Variants in ZDHHC1 observed in about 807,000 individuals in gnomAD.
ZDHHC1 encodes the protein zDHHC palmitoyltransferase 1, also known as palmitoyltransferase ZDHHC1.
ZDHHC1 carries 45 observed loss-of-function variants against 46.9 expected under a neutral mutation model. That is an observed-to-expected ratio of 0.96 (90% CI 0.76 to 1.23). ZDHHC1 has a LOEUF of 1.23. Among genes scored for constraint, ZDHHC1 ranks in the 50% most tolerant of loss-of-function variants. The pLI, the probability that ZDHHC1 is intolerant of heterozygous loss-of-function variation, is 0.00. For synonymous variants in ZDHHC1, 291 were observed against 286.0 expected, an observed-to-expected ratio of 1.02 and a Z score of -0.18; for missense variants, 649 against 670.8, an observed-to-expected ratio of 0.97 and a Z score of 0.36.
Position 67,398,256 on chromosome 16 carries a change from G to GAACC in ZDHHC1, c.879_882dup (p.His295GlyfsTer84), listed in dbSNP as rs1450851555. 2 of 1,614,134 alleles carry GAACC rather than the reference G, an allele frequency of 1.2e-6. No homozygotes were observed. Among genetic ancestry groups the GAACC allele is most frequent in the Admixed American group, 3.3e-5 (2 of 60,020 alleles). On this transcript the variant is annotated frameshift_variant, in exon 8 of 12. Transcript: ENST00000565726. LOFTEE classifies it high-confidence loss of function. ...GGAGGACATGACTCGAGCTCCCTGT[G>GAACC]AACCCCCTTGGCCTCCTGTGGTGGG... is the stretch of plus-strand genomic sequence containing the variant.
rs753927437 is a variant in ZDHHC1, at chr16:67,394,985, C to G, written c.1165+17G>C. ...TCGAGTTCCCAGAGCAGGACCCGGA[C>G]AGGGAGAGGCGCTCACCCGACGCCG... is the stretch of plus-strand genomic sequence containing the variant. On this transcript the variant is annotated intron_variant, in intron 11 of 11. Coordinates refer to ENST00000565726, the MANE Select transcript of ZDHHC1 (RefSeq NM_001323627.2). The G allele has an allele frequency of 1.9e-6, 3 of 1,602,760 alleles. No homozygotes were observed. The highest frequency in any genetic ancestry group is 2.2e-5 in the East Asian group (1 of 44,488).
At chr16:67,399,557 C>T in intron 4 of ZDHHC1, 101 bp from the exon 5 acceptor site, 1 of 974,494 alleles carries the variant, frequency 1.0e-6, no homozygotes, top group Non-Finnish European at 1.5e-6. Flanking sequence ...GGACCAAGCG[C>T]CAGGCCTGAG....
chr16:67,399,520 C>CG, intron 4 of ZDHHC1, 64 bp from the exon 5 acceptor site: 1 of 1,447,698 alleles, frequency 6.9e-7, no homozygotes, highest in Middle Eastern at 2.2e-4. Context: ...CCCGGCCGGT[C>CG]GGGGTGGTTG....
At chr16:67,398,176 A>C in intron 8 of ZDHHC1, 36 bp downstream of exon 8, 30 of 1,535,624 alleles carry the variant, frequency 2.0e-5, no homozygotes, top group East Asian at 4.5e-5. Context: ...AACACCCCCC[A>C]CACCCAGGCC....
chr16:67,398,761 C>T (rs763420916), intron 6 of ZDHHC1, 30 bp from the exon 7 acceptor site: 12 of 1,611,148 alleles, frequency 7.4e-6, no homozygotes, highest in Non-Finnish European at 1.0e-5. Context: ...TGTGCTCAGC[C>T]GGGGACGTGA....
At chr16:67,414,629 A>C (rs1028956804) in intron 1 of ZDHHC1, among the ~76,000 whole-genome samples, 1 of 152,230 alleles carries the variant, frequency 6.6e-6, no homozygotes, top group African/African-American at 2.4e-5. Flanking sequence ...TATCATTTCC[A>C]ACTGTTCTTG....
chr16:67,406,224 G>A lies in ZDHHC1; in HGVS notation c.228C>T (p.His76=). The A allele has an allele frequency of 6.2e-7, 1 of 1,613,738 alleles. No individual in the cohort carries two copies. Among genetic ancestry groups the A allele is most frequent in the Non-Finnish European group, 8.5e-7 (1 of 1,179,884 alleles). Residue 76 remains histidine (H), a synonymous_variant, in exon 3 of 12, where the codon CAC becomes CAT. Coordinates refer to ENST00000565726, the MANE Select transcript of ZDHHC1 (RefSeq NM_001323627.2). The surrounding 1 kb of genome is among the most constrained non-coding windows in gnomAD (Gnocchi z 4.1). Reference sequence around the variant, plus strand: ...CAGCGTAGCCAGCGGGCACCCAGTGGTGAGGCAGGAGGGGAACAAGGATCC... The same window carrying A: ...CAGCGTAGCCAGCGGGCACCCAGTGATGAGGCAGGAGGGGAACAAGGATCC... ...GFGILVPLLP[H]HWVPAGYACM...
At chr16:67,398,106 G>A (rs117591819) in intron 8 of ZDHHC1, 106 bp downstream of exon 8, 20,299 of 1,100,026 alleles carry the variant, frequency 0.018, 304 homozygotes, top group Non-Finnish European at 0.022. Flanking sequence ...TGCCCCCAGC[G>A]GCTGTTCCAG....
chr16:67,402,384 C>T (rs1244709595), intron 3 of ZDHHC1, among the ~76,000 whole-genome samples: 9 of 152,168 alleles, frequency 5.9e-5, no homozygotes, highest in Non-Finnish European at 2.9e-5. Flanking sequence ...GGTCCCTTTC[C>T]CTCTGGCTCC....
At chr16:67,408,056 A>C (rs1342299925) in intron 1 of ZDHHC1, among the ~76,000 whole-genome samples, 1 of 152,212 alleles carries the variant, frequency 6.6e-6, no homozygotes, top group African/African-American at 2.4e-5. Flanking sequence ...CCTGCAGGCC[A>C]AGCCAAGCAT....
intron 3 of ZDHHC1, among the ~76,000 whole-genome samples, chr16:67,405,864 T>G (rs1056417009): frequency 6.6e-6 from 1 of 152,210 alleles, no homozygotes; most frequent in Non-Finnish European, 1.5e-5. Flanking sequence ...ACTTCATCCT[T>G]TGTTCAGCTC....
Position 67,394,815 on chromosome 16 carries a change from GC to G in ZDHHC1, c.1243del (p.Ala415ProfsTer50). ...DASPVHAAGP[A>X]GAYHSASAES... The stretch of plus-strand genomic sequence containing the variant: ...TGCCGACGCCGAGTGGTAGGCGCCG[GC>G]AGGGCCAGCGGCGTGCACAGGGCTG... On this transcript the variant is annotated frameshift_variant, in exon 12 of 12. Coordinates refer to ENST00000565726, the MANE Select transcript of ZDHHC1 (RefSeq NM_001323627.2). LOFTEE classifies it low-confidence loss of function (END_TRUNC). 7.9e-6 allele frequency: 12 copies of G among 1,526,792 alleles called. No individual in the cohort carries two copies. In the Admixed American group the frequency reaches 8.2e-5, roughly 10 times the overall value. 94.6% of individuals were successfully genotyped at this position (1,526,792 alleles called of 1,614,324 possible). A position where few individuals can be genotyped will look rare whatever the true frequency, so the allele number is the denominator to read the frequency against.
Position 67,401,199 on chromosome 16 carries a change from C to T in ZDHHC1, c.253-67G>A. The T allele has an allele frequency of 6.4e-7, 1 of 1,573,492 alleles. No individual in the cohort carries two copies. ...GGAGTCCTGCCCCGTTCCTTGCAGC[C>T]AGAGAACTCCCCACTGCCATGCCAG... On this transcript the variant is annotated intron_variant, in intron 3 of 11. Coordinates refer to ENST00000565726, the MANE Select transcript of ZDHHC1 (RefSeq NM_001323627.2). The surrounding 1 kb of genome is among the most constrained non-coding windows in gnomAD (Gnocchi z 4.6).
intron 6 of ZDHHC1, 29 bp from the exon 7 acceptor site, chr16:67,398,760 C>T (rs2040484939): frequency 1.2e-6 from 2 of 1,611,168 alleles, no homozygotes; most frequent in East Asian, 2.2e-5. Flanking sequence ...GTGTGCTCAG[C>T]CGGGGACGTG....
In ZDHHC1 at chr16:67,394,615, C is replaced by A; in HGVS notation, c.1444G>T (p.Ala482Ser). Residue 482 changes from alanine to serine, a missense_variant, in exon 12 of 12, where the codon GCT becomes TCT. By Grantham distance (99) the Ala-to-Ser change is moderately conservative. Coordinates refer to ENST00000565726, the MANE Select transcript of ZDHHC1 (RefSeq NM_001323627.2). Reference protein sequence around the residue: ...RAPGGREAGLA With the variant: ...RAPGGREAGLS ...CCTCCGGCCTCTCGGCCCAGCTAAG[C>A]CAGACCAGCCTCCCGGCCGCCCGGC... The A allele has an allele frequency of 1.7e-6, 2 of 1,192,882 alleles. No individual in the cohort carries two copies. The highest frequency in any genetic ancestry group is 2.1e-6 in the Non-Finnish European group (2 of 963,712). The allele number at this position is 1,192,882 out of a possible 1,614,324, so 73.9% of individuals were successfully genotyped here.
chr16:67,397,237 C>A (rs1320548849), intron 8 of ZDHHC1, among the ~76,000 whole-genome samples: 1 of 152,240 alleles, frequency 6.6e-6, no homozygotes, highest in Non-Finnish European at 1.5e-5. Flanking sequence ...TCAGTGGGTG[C>A]TGCCTATGAG....
chr16:67,394,909 G>A lies in ZDHHC1; in HGVS notation c.1166-16C>T. ...GCCCTAGGCCCTGCGCAAGGGAAGG[G>A]AACATGAGCCCAGTGGCTGCGGCTC... On this transcript the variant is annotated splice_polypyrimidine_tract_variant and intron_variant, in intron 11 of 11. Coordinates refer to ENST00000565726, the MANE Select transcript of ZDHHC1 (RefSeq NM_001323627.2). 1 of 1,569,848 alleles carries A rather than the reference G, an allele frequency of 6.4e-7. No homozygotes were observed. Among genetic ancestry groups the A allele is most frequent in the South Asian group, 1.2e-5 (1 of 86,300 alleles).
Position 67,401,967 on chromosome 16 carries a change from ACAT to A in ZDHHC1, c.253-838_253-836del, listed in dbSNP as rs539506164. 2.0e-4 allele frequency among the ~76,000 whole-genome samples: 30 copies of A among 152,162 alleles called. No individual in the cohort carries two copies. Among genetic ancestry groups the A allele is most frequent in the Non-Finnish European group, 3.7e-4 (25 of 68,026 alleles). On this transcript the variant is annotated intron_variant, in intron 3 of 11. Coordinates refer to ENST00000565726, the MANE Select transcript of ZDHHC1 (RefSeq NM_001323627.2). This position sits in a 1 kb window ranked among gnomAD's most constrained non-coding sequence, Gnocchi z 4.6. The stretch of plus-strand genomic sequence containing the variant: ...ACTGGTCCTCTTGCTAGCCAGGCAG[ACAT>A]CATCCCTCCATCATTCATGCTCTAC...
At chr16:67,395,327 C>T in intron 9 of ZDHHC1, 47 bp from the exon 10 acceptor site, 1 of 1,495,096 alleles carries the variant, frequency 6.7e-7, no homozygotes, top group Non-Finnish European at 8.9e-7. Context: ...TCCCCAAATC[C>T]CTCCCCACTG....
Sources: allele counts gnomAD v4.1 joint callset (sites outside exome capture counted in the v4.1 genomes callset), GRCh38; gene constraint gnomAD v4.1.1; non-coding constraint Gnocchi (gnomAD v3.1); transcripts MANE v1.5; gene names NCBI Gene and HGNC (gene_info 2026-07-23, HGNC 2026-07-21).